Variants in DOK6 observed in about 807,000 individuals in gnomAD.
The protein encoded by DOK6 is downstream of tyrosine kinase 6.
A neutral mutation model predicts 44.0 loss-of-function variants in DOK6; 22 were observed. The observed-to-expected ratio is 0.50, with a 90% CI of 0.36 to 0.71. The LOEUF (loss-of-function observed/expected upper bound fraction) is 0.71. DOK6 is among the 30% of genes least tolerant of loss of function. DOK6 has a pLI of 0.00. For synonymous variants in DOK6, 166 were observed against 145.5 expected (o/e 1.14, Z -1.01); for missense variants, 340 against 416.4 (o/e 0.82, Z 1.60).
At position 69,672,707 on chromosome 18, in the gene DOK6, AG is replaced by A. The variant is rs577008877; in HGVS notation, c.290-5019del. Among the ~76,000 whole-genome samples the A allele has an allele frequency of 2.3e-3, 172 of 73,744 alleles. 2 individuals carry two copies. Among genetic ancestry groups the A allele is most frequent in the African/African-American group, 9.3e-3 (167 of 18,020 alleles). The allele number at this position is 73,744 out of a possible 152,430, so 48.4% of individuals were successfully genotyped here. A position where few individuals can be genotyped will look rare whatever the true frequency, so the allele number is the denominator to read the frequency against. On this transcript the variant is annotated intron_variant, in intron 3 of 7. Transcript: ENST00000382713. Reference sequence around the variant, plus strand: ...TGTCTTCCCACTATTAAAAAAAAAAAGGGGGGGGTGGGGGCGGTGGGGAAAC... The same window carrying A: ...TGTCTTCCCACTATTAAAAAAAAAAAGGGGGGGTGGGGGCGGTGGGGAAAC...
intron 5 of DOK6, among the ~76,000 whole-genome samples, chr18:69,730,027 A>T (rs1978351076): frequency 6.6e-6 from 1 of 152,220 alleles, no homozygotes; most frequent in African/African-American, 2.4e-5. Flanking sequence ...ATAAATCAAT[A>T]CGGAAGGAAA....
intron 7 of DOK6, among the ~76,000 whole-genome samples, chr18:69,807,951 A>G (rs952924846): frequency 4.0e-5 from 6 of 151,894 alleles, no homozygotes; most frequent in African/African-American, 1.4e-4. Flanking sequence ...AATGGATCTA[A>G]CAGACATATA....
intron 1 of DOK6, among the ~76,000 whole-genome samples, chr18:69,482,153 T>A (rs1014784514): frequency 6.6e-6 from 1 of 152,138 alleles, no homozygotes; most frequent in African/African-American, 2.4e-5. Flanking sequence ...ATTGCAAAAA[T>A]TTTCTCCCAT....
intron 5 of DOK6, among the ~76,000 whole-genome samples, chr18:69,737,728 T>G (rs1039151474): frequency 1.3e-5 from 2 of 152,196 alleles, no homozygotes; most frequent in African/African-American, 2.4e-5. Flanking sequence ...AAATCCCTCC[T>G]GTAAGCATGC....
At chr18:69,703,859 A>G (rs1310830801) in intron 5 of DOK6, among the ~76,000 whole-genome samples, 1 of 152,228 alleles carries the variant, frequency 6.6e-6, no homozygotes, top group Non-Finnish European at 1.5e-5. Flanking sequence ...GGTCCTTTAT[A>G]GATGGAATTA....
At chr18:69,411,035 A>T (rs1978303775) in intron 1 of DOK6, among the ~76,000 whole-genome samples, 2 of 152,032 alleles carry the variant, frequency 1.3e-5, no homozygotes, top group Admixed American at 1.3e-4. Context: ...GCATAGATGG[A>T]TAGATGGGGG....
At chr18:69,751,131 A>G (rs1457525041) in intron 6 of DOK6, among the ~76,000 whole-genome samples, 1 of 152,222 alleles carries the variant, frequency 6.6e-6, no homozygotes, top group East Asian at 1.9e-4. Flanking sequence ...GATGACGGTC[A>G]AAGGGTAAAA....
intron 7 of DOK6, among the ~76,000 whole-genome samples, chr18:69,811,162 T>G (rs1373528086): frequency 6.6e-6 from 1 of 151,992 alleles, no homozygotes; most frequent in Admixed American, 6.6e-5. Context: ...ACAACATGGA[T>G]GAACCTGGAC....
At chr18:69,589,801 G>A (rs929999988) in intron 2 of DOK6, among the ~76,000 whole-genome samples, 12 of 151,988 alleles carry the variant, frequency 7.9e-5, no homozygotes, top group Middle Eastern at 3.2e-3. Context: ...AAATTTTACC[G>A]AGCATGCAAA....
At chr18:69,486,431 T>A (rs1318386804) in intron 1 of DOK6, among the ~76,000 whole-genome samples, 1 of 152,164 alleles carries the variant, frequency 6.6e-6, no homozygotes, top group Non-Finnish European at 1.5e-5. Context: ...TTTCTATTTT[T>A]TAGTTTTTCC....
chr18:69,672,601 G>A (rs986896016), intron 3 of DOK6, among the ~76,000 whole-genome samples: 2 of 148,210 alleles, frequency 1.3e-5, no homozygotes, highest in South Asian at 2.1e-4. Context: ...CAAGTGATCC[G>A]CCCACCTCAG....
intron 3 of DOK6, among the ~76,000 whole-genome samples, chr18:69,641,689 T>C (rs982597461): frequency 6.6e-6 from 1 of 152,212 alleles, no homozygotes; most frequent in Non-Finnish European, 1.5e-5. Context: ...AAAATTACTA[T>C]TATTTTAGAA....
At position 69,401,020 on chromosome 18, in the gene DOK6, G is replaced by T. The variant is rs1167716862; in HGVS notation, c.-225G>T. 1.2e-5 allele frequency: 2 copies of T among 168,232 alleles called. No homozygotes were observed. The highest frequency in any genetic ancestry group is 4.8e-5 in the African/African-American group (2 of 41,326). 10.4% of individuals were successfully genotyped at this position (168,232 alleles called of 1,614,324 possible). On this transcript the variant is annotated 5_prime_UTR_variant, in exon 1 of 8. Transcript: ENST00000382713. Reference sequence around the variant, plus strand: ...GGGGAGCGAAGGTGAGCGCCAGAACGCGGAGGGCTGGCGCGGCTCGCGGCG... The same window carrying T: ...GGGGAGCGAAGGTGAGCGCCAGAACTCGGAGGGCTGGCGCGGCTCGCGGCG...
chr18:69,600,392 C>A (rs1257395331), intron 3 of DOK6, among the ~76,000 whole-genome samples: 1 of 152,170 alleles, frequency 6.6e-6, no homozygotes, highest in Admixed American at 6.5e-5. Flanking sequence ...GAATTTATCT[C>A]CGTGTTCCTC....
At chr18:69,653,345 C>T (rs570361133) in intron 3 of DOK6, among the ~76,000 whole-genome samples, 24 of 151,318 alleles carry the variant, frequency 1.6e-4, no homozygotes, top group Non-Finnish European at 2.8e-4. Flanking sequence ...GGCTAACTTC[C>T]GAGGCAGCCA....
rs147353379 is a variant in DOK6 at position 69,663,983 on chromosome 18, G to A, written c.290-13751G>A. ...ACTCCTAATTTATCTCATTTCATAA[G>A]CCGTTAATTTTTTTTAAAGGGTGAC... On this transcript the variant is annotated intron_variant, in intron 3 of 7. Transcript: ENST00000382713. 2.5e-3 allele frequency among the ~76,000 whole-genome samples: 382 copies of A among 152,040 alleles called. 1 individual carries two copies. Among genetic ancestry groups the A allele is most frequent in the African/African-American group, 8.8e-3 (366 of 41,460 alleles).
intron 1 of DOK6, among the ~76,000 whole-genome samples, chr18:69,514,734 T>A (rs1599168043): frequency 1.3e-5 from 2 of 151,812 alleles, no homozygotes; most frequent in South Asian, 2.1e-4. Flanking sequence ...TAAGAAACTA[T>A]TTTTATTTTA....
intron 3 of DOK6, among the ~76,000 whole-genome samples, chr18:69,626,325 T>C (rs1984556155): frequency 6.6e-6 from 1 of 152,224 alleles, no homozygotes; most frequent in Non-Finnish European, 1.5e-5. Flanking sequence ...CACATTCCCC[T>C]GACCACTTCA....
chr18:69,639,455 G>A (rs1227335751), intron 3 of DOK6, among the ~76,000 whole-genome samples: 1 of 152,106 alleles, frequency 6.6e-6, no homozygotes, highest in Non-Finnish European at 1.5e-5. Context: ...GGCAGAGCTG[G>A]GTCCTCACCT....
Sources: gnomAD v4.1 joint callset for allele counts (sites outside exome capture counted in the v4.1 genomes callset) on GRCh38, gnomAD v4.1.1 for gene constraint, MANE v1.5 for transcripts, NCBI Gene and HGNC (gene_info 2026-07-23, HGNC 2026-07-21) for gene names.